Variants in KCNQ1OT1 observed in about 807,000 individuals in gnomAD.
The protein encoded by KCNQ1OT1 is KCNQ1 opposite strand/antisense transcript 1.
exon 1 of KCNQ1OT1, chr11:2,684,541 T>C (rs373202799): frequency 3.8e-5 from 15 of 398,584 alleles, no homozygotes; most frequent in African/African-American, 3.1e-4. Context: ...GCAATATATT[T>C]GATGCTTTCT....
chr11:2,631,017 T>C, exon 1 of KCNQ1OT1: 1 of 398,536 alleles, frequency 2.5e-6, no homozygotes, highest in Non-Finnish European at 4.4e-6. Context: ...TTATCTTGTC[T>C]TCCATTTTTT....
chr11:2,672,114 C>T, exon 1 of KCNQ1OT1: 1 of 398,776 alleles, frequency 2.5e-6, no homozygotes, highest in Non-Finnish European at 4.4e-6. Context: ...GGGGACCTTT[C>T]TTCTCCCACC....
exon 1 of KCNQ1OT1, chr11:2,649,578 T>C (rs1849726294): frequency 2.5e-6 from 1 of 398,506 alleles, no homozygotes; most frequent in African/African-American, 2.1e-5. Context: ...TATTTGTGGC[T>C]AGCAATTTTG....
exon 1 of KCNQ1OT1, chr11:2,681,472 C>T (rs1850395888): frequency 2.5e-6 from 1 of 398,336 alleles, no homozygotes; most frequent in African/African-American, 2.1e-5. Context: ...GCCTCAGGCT[C>T]CCTAGATGAG....
chr11:2,680,039 A>G (rs920784402), exon 1 of KCNQ1OT1: 28 of 395,780 alleles, frequency 7.1e-5, no homozygotes, highest in African/African-American at 5.8e-4. Context: ...GACTACAGAC[A>G]TCTGCCACCA....
Position 2,657,435 on chromosome 11 carries a change from AATT to A in KCNQ1OT1, n.42557_42559del. Reference sequence around the variant, plus strand: ...AGTTCTTGCATATACTTAGTTAGATAATTAATATTCTTTTGTGCTATTGTATAC... The same window carrying A: ...AGTTCTTGCATATACTTAGTTAGATAAATATTCTTTTGTGCTATTGTATAC... On this transcript the variant is annotated non_coding_transcript_exon_variant, in exon 1 of 1. Transcript: ENST00000597346. This position sits in a 1 kb window ranked among gnomAD's most constrained non-coding sequence, Gnocchi z 4.8. 2.5e-6 allele frequency: 1 copy of A among 398,528 alleles called. No homozygotes were observed. Among genetic ancestry groups the A allele is most frequent in the Non-Finnish European group, 4.4e-6 (1 of 226,028 alleles). 24.7% of individuals were successfully genotyped at this position (398,528 alleles called of 1,614,324 possible). A position where few individuals can be genotyped will look rare whatever the true frequency, so the allele number is the denominator to read the frequency against.
chr11:2,667,823 G>A (rs921852914), exon 1 of KCNQ1OT1: 46 of 398,502 alleles, frequency 1.2e-4, no homozygotes, highest in African/African-American at 9.5e-4. Context: ...ATAGGGTGGT[G>A]GTGTTAAACT....
chr11:2,667,427 A>G, exon 1 of KCNQ1OT1: 3 of 398,740 alleles, frequency 7.5e-6, no homozygotes, highest in Non-Finnish European at 1.3e-5. Flanking sequence ...GTGAACTCCC[A>G]GCCATGATGC....
At chr11:2,688,263 G>A (rs879634399) in exon 1 of KCNQ1OT1, 5 of 398,568 alleles carry the variant, frequency 1.3e-5, no homozygotes, top group African/African-American at 4.1e-5. Flanking sequence ...AGAGGGAGGC[G>A]CCATGACCTC....
exon 1 of KCNQ1OT1, chr11:2,634,003 G>A (rs1256437963): frequency 2.5e-6 from 1 of 398,470 alleles, no homozygotes; most frequent in Non-Finnish European, 4.4e-6. Flanking sequence ...ACTGTATTTT[G>A]ATGTCAGGCA....
In KCNQ1OT1 at chr11:2,674,670, T is replaced by G. The variant is rs2133872646; in HGVS notation, n.25325A>C. ...AAGCCAGAACTTTTTGCAAAATAAT[T>G]TGAAAAGTTTGTTGAACCTTAAACC... On this transcript the variant is annotated non_coding_transcript_exon_variant, in exon 1 of 1. Transcript: ENST00000597346. This position sits in a 1 kb window ranked among gnomAD's most constrained non-coding sequence, Gnocchi z 5.9. 2.5e-6 allele frequency: 1 copy of G among 398,534 alleles called. No homozygotes were observed. 24.7% of individuals were successfully genotyped at this position (398,534 alleles called of 1,614,324 possible).
exon 1 of KCNQ1OT1, chr11:2,644,474 G>A (rs1405442797): frequency 7.5e-6 from 3 of 398,062 alleles, no homozygotes; most frequent in South Asian, 1.3e-4. Flanking sequence ...TTCATACCCC[G>A]AATTGTTTTT....
In KCNQ1OT1 at chr11:2,620,807, A is replaced by G. The variant is rs117601636; in HGVS notation, n.79188T>C. ...GCTGAACTAATTTGTATTCCTGCCAACAGTGTATAAGCGTTCCCTTTTCTC... is the reference window on the plus strand; with the variant it reads ...GCTGAACTAATTTGTATTCCTGCCAGCAGTGTATAAGCGTTCCCTTTTCTC... On this transcript the variant is annotated non_coding_transcript_exon_variant, in exon 1 of 1. Transcript: ENST00000597346. The surrounding 1 kb of genome is among the most constrained non-coding windows in gnomAD (Gnocchi z 4.5). 4,287 of 398,632 alleles carry G rather than the reference A, an allele frequency of 0.011. 133 individuals are homozygous for G. The highest frequency in any genetic ancestry group is 0.092 in the East Asian group (2,570 of 28,076). 24.7% of individuals were successfully genotyped at this position (398,632 alleles called of 1,614,324 possible).
At chr11:2,696,952 AGTT>A (rs1394847864) in exon 1 of KCNQ1OT1, 3 of 398,240 alleles carry the variant, frequency 7.5e-6, no homozygotes, top group African/African-American at 2.1e-5. Context: ...ATCTCTCTTT[AGTT>A]GTTAAGTTCC....
At chr11:2,662,809 G>A (rs1849991704) in exon 1 of KCNQ1OT1, 2 of 398,820 alleles carry the variant, frequency 5.0e-6, no homozygotes, top group African/African-American at 4.1e-5. Flanking sequence ...ATCTGTGAGT[G>A]ACACTCGCGG....
exon 1 of KCNQ1OT1, chr11:2,680,008 C>A (rs2133879176): frequency 2.5e-6 from 1 of 396,892 alleles, no homozygotes; most frequent in East Asian, 3.6e-5. Context: ...ATTCTCCTGC[C>A]TTAGCCTCCC....
exon 1 of KCNQ1OT1, chr11:2,616,940 C>A: frequency 2.5e-6 from 1 of 394,518 alleles, no homozygotes; most frequent in South Asian, 1.3e-4. Flanking sequence ...GGGCTTCTGT[C>A]TGGCTGTACA....
chr11:2,614,611 C>G (rs1039864684), exon 1 of KCNQ1OT1: 1 of 398,252 alleles, frequency 2.5e-6, no homozygotes, highest in East Asian at 3.6e-5. Context: ...ATCCAGTTGC[C>G]CCAGCACCAT....
At position 2,626,208 on chromosome 11, in the gene KCNQ1OT1, T is replaced by C. The variant is rs79694931; in HGVS notation, n.73787A>G. 1.3e-5 allele frequency: 5 copies of C among 398,506 alleles called. No individual in the cohort carries two copies. The highest frequency in any genetic ancestry group is 4.4e-6 in the Non-Finnish European group (1 of 226,072). The allele number at this position is 398,506 out of a possible 1,614,324, so 24.7% of individuals were successfully genotyped here. ...CATAGTTTTAGGACTTTGACCCATT[T>C]TGAGTAAGTTTTTGTACACAGTGTT... On this transcript the variant is annotated non_coding_transcript_exon_variant, in exon 1 of 1. Transcript: ENST00000597346. The surrounding 1 kb of genome is among the most constrained non-coding windows in gnomAD (Gnocchi z 4.0).
Sources: gnomAD v4.1 joint callset for allele counts on GRCh38, gnomAD v4.1.1 for gene constraint, Gnocchi (gnomAD v3.1) non-coding constraint, MANE v1.5 for transcripts, NCBI Gene and HGNC (gene_info 2026-07-23, HGNC 2026-07-21) for gene names.